Variants in THOC2 observed in about 807,000 individuals in gnomAD.
THOC2 encodes the protein THO complex 2.
A neutral mutation model predicts 128.4 loss-of-function variants in THOC2; 10 were observed. That is an observed-to-expected ratio of 0.08 (90% CI 0.05 to 0.13). THOC2 has a LOEUF of 0.13. Among genes scored for constraint, THOC2 ranks in the 10% least tolerant of loss-of-function variants. THOC2 has a pLI of 1.00. For synonymous variants in THOC2, 393 were observed against 396.9 expected, an observed-to-expected ratio of 0.99 and a Z score of 0.12; for missense variants, 535 against 1,155.7, an observed-to-expected ratio of 0.46 and a Z score of 7.79.
chrX:123,695,737 GTT>G (rs2050422749), intron 7 of THOC2, among the ~76,000 whole-genome samples: 1 of 111,428 alleles, frequency 9.0e-6, no homozygotes, highest in African/African-American at 3.3e-5. Context: ...TTTTGAAAGT[GTT>G]GGCTTACCAC....
intron 2 of THOC2, among the ~76,000 whole-genome samples, chrX:123,710,063 G>A (rs1425470510): frequency 1.8e-5 from 2 of 111,914 alleles, no homozygotes; most frequent in Admixed American, 9.5e-5. Context: ...AAACCCCTAA[G>A]ACAGAAAAGA....
At chrX:123,637,972 G>A (rs1007904875) in intron 18 of THOC2, 71 bp downstream of exon 18, 6 of 734,028 alleles carry the variant, frequency 8.2e-6, no homozygotes, top group Middle Eastern at 3.0e-4. Context: ...TCTAAGCATC[G>A]GTAATAAAAT....
chrX:123,638,707 A>G (rs2047774467), intron 17 of THOC2, among the ~76,000 whole-genome samples: 1 of 106,517 alleles, frequency 9.4e-6, no homozygotes, highest in Non-Finnish European at 1.9e-5. Context: ...CTCCCTTTAT[A>G]CAACACAAAG....
intron 1 of THOC2, among the ~76,000 whole-genome samples, chrX:123,730,432 C>A (rs376513873): frequency 1.4e-4 from 16 of 111,800 alleles, no homozygotes; most frequent in African/African-American, 5.2e-4. Context: ...CCCGCCTCGG[C>A]CTCCCAATTT....
chrX:123,731,259 A>C (rs952486441), intron 1 of THOC2, among the ~76,000 whole-genome samples: 1 of 112,072 alleles, frequency 8.9e-6, no homozygotes, highest in African/African-American at 3.2e-5. Context: ...AAGATTTATC[A>C]AATAGCCTTC....
chrX:123,629,353 C>T (rs2047391193), intron 22 of THOC2, among the ~76,000 whole-genome samples: 1 of 108,758 alleles, frequency 9.2e-6, no homozygotes, highest in Admixed American at 1.0e-4. Flanking sequence ...TAGGTATCAC[C>T]CTTCATACGA....
chrX:123,700,023 C>T (rs771524593), intron 4 of THOC2, among the ~76,000 whole-genome samples: 9 of 111,062 alleles, frequency 8.1e-5, no homozygotes, highest in Non-Finnish European at 1.5e-4. Context: ...TCCTTTACCT[C>T]GAATAAATTC....
intron 18 of THOC2, 25 bp from the exon 19 acceptor site, chrX:123,636,200 A>C: frequency 9.0e-7 from 1 of 1,105,764 alleles, no homozygotes; most frequent in Non-Finnish European, 1.2e-6. Context: ...AAAAGAGTAA[A>C]AACAACTCAT....
intron 38 of THOC2, among the ~76,000 whole-genome samples, chrX:123,604,807 G>A (rs1015663443): frequency 2.7e-5 from 3 of 111,613 alleles, no homozygotes; most frequent in South Asian, 7.5e-4. Context: ...TATTATTTTT[G>A]GTTAAGTGTC....
In THOC2 at chrX:123,662,545, G is replaced by A. The variant is rs374394415; in HGVS notation, c.1386+3097C>T. ...GGAGCTTGCAGTGAGCCGAGATCGCGCCACTGGACTCCAGCCTGGGCAACA... is the reference window on the plus strand; with the variant it reads ...GGAGCTTGCAGTGAGCCGAGATCGCACCACTGGACTCCAGCCTGGGCAACA... On this transcript the variant is annotated intron_variant, in intron 12 of 38. Coordinates refer to ENST00000245838, the MANE Select transcript of THOC2 (RefSeq NM_001081550.2). Among the ~76,000 whole-genome samples, 581 of 96,983 alleles carry A rather than the reference G, an allele frequency of 6.0e-3. 4 individuals carry two copies. Among genetic ancestry groups the A allele is most frequent in the Middle Eastern group, 0.024 (4 of 164 alleles). The allele number at this position is 96,983 out of a possible 115,157, so 84.2% of individuals were successfully genotyped here. A position where few individuals can be genotyped will look rare whatever the true frequency, so the allele number is the denominator to read the frequency against.
chrX:123,628,891 C>T (rs1222804781), intron 22 of THOC2, among the ~76,000 whole-genome samples: 2 of 109,740 alleles, frequency 1.8e-5, no homozygotes, highest in Non-Finnish European at 3.8e-5. Context: ...CCAGGACCAA[C>T]TGGTTACTCT....
chrX:123,669,953 A>G (rs552914548), intron 9 of THOC2, among the ~76,000 whole-genome samples: 4 of 112,401 alleles, frequency 3.6e-5, no homozygotes, highest in Middle Eastern at 4.7e-3. Context: ...AATCTTTGTC[A>G]TATTAACAGG....
intron 18 of THOC2, among the ~76,000 whole-genome samples, chrX:123,636,887 A>G (rs2147661873): frequency 8.9e-6 from 1 of 112,277 alleles, no homozygotes; most frequent in South Asian, 3.8e-4. Context: ...CTAGTGGAAG[A>G]TACAGAAAAG....
chrX:123,627,513 C>T (rs961672854), intron 23 of THOC2, among the ~76,000 whole-genome samples, 180 bp downstream of exon 23: 4 of 111,669 alleles, frequency 3.6e-5, no homozygotes, highest in African/African-American at 1.3e-4. Flanking sequence ...TCATAACCTC[C>T]ACCTAGTCAC....
intron 30 of THOC2, among the ~76,000 whole-genome samples, chrX:123,622,052 G>C (rs938084255): frequency 1.4e-4 from 16 of 111,398 alleles, no homozygotes; most frequent in African/African-American, 5.2e-4. Flanking sequence ...CTCGAAAAAA[G>C]GAAGTATTTC....
chrX:123,680,592 G>A (rs1042059489), intron 8 of THOC2, among the ~76,000 whole-genome samples: 20 of 109,813 alleles, frequency 1.8e-4, no homozygotes, highest in Middle Eastern at 4.7e-3. Flanking sequence ...TCCACCTAAC[G>A]AAAAACACCC....
At chrX:123,637,961 C>T (rs2047739460) in intron 18 of THOC2, 82 bp downstream of exon 18, 1 of 688,342 alleles carries the variant, frequency 1.5e-6, no homozygotes, top group Admixed American at 3.4e-5. Context: ...TTCTAAAAGT[C>T]TCTAAGCATC....
chrX:123,684,786 G>A (rs866538897), intron 8 of THOC2, among the ~76,000 whole-genome samples: 7 of 112,296 alleles, frequency 6.2e-5, no homozygotes, highest in East Asian at 5.6e-4. Flanking sequence ...TTAAACTGTC[G>A]TCTGCTTTCT....
At chrX:123,661,798 A>G (rs2048843915) in intron 12 of THOC2, among the ~76,000 whole-genome samples, 1 of 111,774 alleles carries the variant, frequency 8.9e-6, no homozygotes, top group African/African-American at 3.3e-5. Context: ...AAAACAACCT[A>G]CCTAGGCAAC....
Sources: allele counts gnomAD v4.1 joint callset (sites outside exome capture counted in the v4.1 genomes callset), GRCh38; gene constraint gnomAD v4.1.1; transcripts MANE v1.5; gene names NCBI Gene and HGNC (gene_info 2026-07-23, HGNC 2026-07-21).